Variants in MBOAT2 observed in about 807,000 individuals in gnomAD.
MBOAT2 encodes membrane-bound glycerophospholipid O-acyltransferase 2.
MBOAT2 carries 28 observed loss-of-function variants against 63.4 expected under a neutral mutation model. That is an observed-to-expected ratio of 0.44 (90% CI 0.33 to 0.61). MBOAT2 has a LOEUF of 0.61. Among genes scored for constraint, MBOAT2 ranks in the 20% least tolerant of loss-of-function variants. The pLI, the probability that MBOAT2 is intolerant of heterozygous loss-of-function variation, is 0.03. For missense variants in MBOAT2, 470 were observed against 605.8 expected, an observed-to-expected ratio of 0.78 and a Z score of 2.35; for synonymous variants, 211 against 215.6, an observed-to-expected ratio of 0.98 and a Z score of 0.19.
At chr2:8,912,367 A>AG (rs1665823261) in intron 3 of MBOAT2, among the ~76,000 whole-genome samples, 1 of 93,696 alleles carries the variant, frequency 1.1e-5, no homozygotes, top group African/African-American at 4.5e-5. Context: ...GAAAGAAAGA[A>AG]AGAAAGAGAA....
At chr2:8,923,681 T>A (rs1233149799) in intron 3 of MBOAT2, among the ~76,000 whole-genome samples, 1 of 152,202 alleles carries the variant, frequency 6.6e-6, no homozygotes, top group Non-Finnish European at 1.5e-5. Context: ...GTAGCATTAC[T>A]TTGCCAAGGG....
At chr2:8,986,811 G>A (rs6756960) in intron 1 of MBOAT2, among the ~76,000 whole-genome samples, 8,231 of 152,104 alleles carry the variant, frequency 0.054, 229 homozygotes, top group Middle Eastern at 0.075. Context: ...TCTCTCTTTC[G>A]CCAAGAACGC....
At chr2:8,956,856 G>A (rs554421739) in intron 2 of MBOAT2, among the ~76,000 whole-genome samples, 86 of 152,138 alleles carry the variant, frequency 5.7e-4, no homozygotes, top group Non-Finnish European at 1.1e-3. Context: ...AGATTTCTAG[G>A]TAAAGAGATG....
At chr2:8,963,553 T>C (rs1441924468) in intron 1 of MBOAT2, among the ~76,000 whole-genome samples, 1 of 152,136 alleles carries the variant, frequency 6.6e-6, no homozygotes, top group Non-Finnish European at 1.5e-5. Context: ...TCCACCCGCC[T>C]TGGCCTCCCA....
In MBOAT2 at chr2:9,003,670, G is replaced by T. The variant is rs1672882434; in HGVS notation, c.-56C>A. On this transcript the variant is annotated 5_prime_UTR_variant, in exon 1 of 13. Transcript: ENST00000305997. The surrounding 1 kb of genome is among the most constrained non-coding windows in gnomAD (Gnocchi z 5.4). The stretch of plus-strand genomic sequence containing the variant: ...CCGCTCGCCCGCTCGCGCTGTGCCG[G>T]GCGACGACGAGGATGGGGATGCAGC... 3.7e-6 allele frequency: 4 copies of T among 1,083,612 alleles called. No homozygotes were observed. The highest frequency in any genetic ancestry group is 3.4e-6 in the Non-Finnish European group (3 of 887,394). 67.1% of individuals were successfully genotyped at this position (1,083,612 alleles called of 1,614,324 possible).
intron 4 of MBOAT2, among the ~76,000 whole-genome samples, chr2:8,903,302 A>G (rs928734717): frequency 2.0e-5 from 3 of 152,214 alleles, no homozygotes; most frequent in East Asian, 3.8e-4. Flanking sequence ...TGCTGCCTAC[A>G]AAAGTACCTG....
chr2:8,897,371 C>G (rs1248713281), intron 4 of MBOAT2, among the ~76,000 whole-genome samples: 1 of 151,840 alleles, frequency 6.6e-6, no homozygotes, highest in Non-Finnish European at 1.5e-5. Flanking sequence ...AAGACTGCCA[C>G]CTCCTTGGGT....
intron 3 of MBOAT2, among the ~76,000 whole-genome samples, chr2:8,921,780 GTTGT>G (rs1392901655): frequency 1.3e-5 from 2 of 152,150 alleles, no homozygotes; most frequent in African/African-American, 4.8e-5. Context: ...TCCATAATGA[GTTGT>G]TTTTCTCTCA....
At chr2:8,963,455 T>C (rs937297609) in intron 1 of MBOAT2, among the ~76,000 whole-genome samples, 11 of 151,976 alleles carry the variant, frequency 7.2e-5, no homozygotes, top group Admixed American at 5.2e-4. Flanking sequence ...AGGCATGCAC[T>C]ACCACGCCCG....
chr2:8,986,519 C>A (rs1671579834), intron 1 of MBOAT2, among the ~76,000 whole-genome samples: 2 of 151,760 alleles, frequency 1.3e-5, no homozygotes, highest in Admixed American at 1.3e-4. Context: ...GCCGTGATCA[C>A]ATGACTGCAC....
Position 8,857,708 on chromosome 2 carries a change from A to T in MBOAT2, c.*971T>A, listed in dbSNP as rs1174793870. On this transcript the variant is annotated 3_prime_UTR_variant, in exon 13 of 13. Transcript: ENST00000305997. ...AGCAACCTACCAGTATTATTTTCAAAGCCTCTAATTCTACATAATTTATGC... is the reference window on the plus strand; with the variant it reads ...AGCAACCTACCAGTATTATTTTCAATGCCTCTAATTCTACATAATTTATGC... The T allele has an allele frequency of 6.6e-6, 1 of 152,216 alleles. No homozygotes were observed. Among genetic ancestry groups the T allele is most frequent in the Admixed American group, 6.5e-5 (1 of 15,286 alleles). 9.4% of individuals were successfully genotyped at this position (152,216 alleles called of 1,614,324 possible).
chr2:8,888,146 G>T, intron 4 of MBOAT2, 73 bp from the exon 5 acceptor site: 1 of 1,366,752 alleles, frequency 7.3e-7, no homozygotes, highest in Non-Finnish European at 1.0e-6. Context: ...TATGAGTTAA[G>T]AGTTTATTCT....
At chr2:8,979,031 A>G (rs1558678801) in intron 1 of MBOAT2, among the ~76,000 whole-genome samples, 1 of 152,186 alleles carries the variant, frequency 6.6e-6, no homozygotes, top group Non-Finnish European at 1.5e-5. Context: ...CAACAGTGCT[A>G]CTAATTTTCA....
intron 3 of MBOAT2, among the ~76,000 whole-genome samples, chr2:8,928,714 A>G (rs1178956684): frequency 3.9e-5 from 6 of 152,166 alleles, no homozygotes; most frequent in African/African-American, 1.4e-4. Context: ...CTATATTTTT[A>G]CAACTCTACT....
At chr2:8,964,470 T>C (rs1669847185) in intron 1 of MBOAT2, among the ~76,000 whole-genome samples, 1 of 151,486 alleles carries the variant, frequency 6.6e-6, no homozygotes, top group South Asian at 2.1e-4. Flanking sequence ...CTAATTTACA[T>C]ATTGCATTGC....
intron 1 of MBOAT2, among the ~76,000 whole-genome samples, chr2:9,000,516 AAT>A (rs1295312308): frequency 2.6e-5 from 4 of 152,342 alleles, no homozygotes; most frequent in East Asian, 3.9e-4. Flanking sequence ...GTATTAATCC[AAT>A]ATTTTAAAGC....
At chr2:8,944,409 A>AT (rs1440856008) in intron 2 of MBOAT2, among the ~76,000 whole-genome samples, 2 of 151,912 alleles carry the variant, frequency 1.3e-5, no homozygotes, top group Non-Finnish European at 2.9e-5. Context: ...AAAGTACTTT[A>AT]TTTTTTTTCT....
intron 3 of MBOAT2, among the ~76,000 whole-genome samples, chr2:8,912,856 T>C (rs985734502): frequency 3.9e-5 from 6 of 152,130 alleles, no homozygotes; most frequent in Non-Finnish European, 8.8e-5. Context: ...AAAATTCATA[T>C]GGAACCAAAA....
At chr2:8,882,712 T>C (rs1470759039) in intron 5 of MBOAT2, 147 bp from the exon 6 acceptor site, 2 of 727,548 alleles carry the variant, frequency 2.7e-6, no homozygotes, top group Non-Finnish European at 4.8e-6. Flanking sequence ...TTCCTTCTCA[T>C]GGCAACACAG....
Sources: gnomAD v4.1 joint callset for allele counts (sites outside exome capture counted in the v4.1 genomes callset) on GRCh38, gnomAD v4.1.1 for gene constraint, Gnocchi (gnomAD v3.1) non-coding constraint, MANE v1.5 for transcripts, NCBI Gene and HGNC (gene_info 2026-07-23, HGNC 2026-07-21) for gene names.